The following CHSY3 variants were observed in gnomAD, a reference collection of about 807,000 sequenced individuals.
CHSY3 encodes the protein chondroitin sulfate synthase 3.
Under a neutral mutation model 67.2 loss-of-function variants are expected in CHSY3, and 35 were observed. The observed-to-expected ratio is 0.52, with a 90% confidence interval of 0.40 to 0.69. The LOEUF (loss-of-function observed/expected upper bound fraction) is 0.69, where lower values mean the gene tolerates loss of function less well. Among genes scored for constraint, CHSY3 ranks in the 30% least tolerant of loss-of-function variants. CHSY3 has a pLI of 0.00. For synonymous variants in CHSY3, 474 were observed against 434.7 expected, an observed-to-expected ratio of 1.09 and a Z score of -1.12; for missense variants, 1,069 against 1,138.5, an observed-to-expected ratio of 0.94 and a Z score of 0.88.
chr5:129,957,962 G>C (rs1240764821), intron 2 of CHSY3, among the ~76,000 whole-genome samples: 1 of 151,648 alleles, frequency 6.6e-6, no homozygotes, highest in Non-Finnish European at 1.5e-5. Context: ...TTGATCCTCT[G>C]TCTGTTTTAT....
chr5:130,158,841 C>G lies in CHSY3; in HGVS notation c.1087-25388C>G, dbSNP rs149976877. Among the ~76,000 whole-genome samples, 323 of 152,230 alleles carry G rather than the reference C, an allele frequency of 2.1e-3. 1 individual carries two copies. The highest frequency in any genetic ancestry group is 7.5e-3 in the African/African-American group (313 of 41,538). On this transcript the variant is annotated intron_variant, in intron 2 of 2. Coordinates refer to ENST00000305031, the MANE Select transcript of CHSY3 (RefSeq NM_175856.5). ...TAGAGACAGGATCTCCATCTGTTGG[C>G]CAAGCTGGAGTGCAGTGCTATGATC...
At position 130,185,345 on chromosome 5, in the gene CHSY3, A is replaced by G; in HGVS notation, c.2203A>G (p.Thr735Ala). ...TTTTCTCCAACGATGTAGAGACAATACAATTCAGGGACAACAGGTGTACTA... is the reference window on the plus strand; with the variant it reads ...TTTTCTCCAACGATGTAGAGACAATGCAATTCAGGGACAACAGGTGTACTA... ...EDFLQRCRDNTIQGQQVYYPI... is the reference protein window; with the variant it reads ...EDFLQRCRDNAIQGQQVYYPI... The change falls in exon 3 of 3, where the codon ACA (threonine) becomes GCA (alanine). Residue 735 changes from threonine (T) to alanine (A), a missense_variant. Transcript: ENST00000305031. The G allele has an allele frequency of 1.2e-6, 2 of 1,608,022 alleles. No individual in the cohort carries two copies. Among genetic ancestry groups the G allele is most frequent in the Non-Finnish European group, 1.7e-6 (2 of 1,174,444 alleles).
chr5:129,991,609 CAGT>C (rs1561487741), intron 2 of CHSY3, among the ~76,000 whole-genome samples: 1 of 152,048 alleles, frequency 6.6e-6, no homozygotes, highest in Non-Finnish European at 1.5e-5. Context: ...GAGTGTTAAC[CAGT>C]GTCTGCCACT....
intron 2 of CHSY3, among the ~76,000 whole-genome samples, chr5:129,993,107 G>T (rs538548764): frequency 1.3e-5 from 2 of 152,090 alleles, no homozygotes; most frequent in Non-Finnish European, 2.9e-5. Context: ...GTACTGTTAT[G>T]TGCTATTTCA....
At chr5:130,084,843 G>T (rs946431706) in intron 2 of CHSY3, among the ~76,000 whole-genome samples, 17 of 151,906 alleles carry the variant, frequency 1.1e-4, no homozygotes, top group Non-Finnish European at 1.9e-4. Context: ...GGAATCAATA[G>T]AAGGGAGTGT....
At chr5:130,089,309 A>C (rs1766791387) in intron 2 of CHSY3, among the ~76,000 whole-genome samples, 1 of 151,726 alleles carries the variant, frequency 6.6e-6, no homozygotes, top group Non-Finnish European at 1.5e-5. Context: ...CCAGCATGGC[A>C]CATGTATACA....
chr5:130,085,014 C>T (rs1449917094), intron 2 of CHSY3, among the ~76,000 whole-genome samples: 4 of 151,956 alleles, frequency 2.6e-5, no homozygotes, highest in Non-Finnish European at 5.9e-5. Context: ...TAACGCTGGT[C>T]AGCTATACCT....
intron 2 of CHSY3, among the ~76,000 whole-genome samples, chr5:130,134,094 T>G (rs76431137): frequency 0.045 from 6,851 of 152,242 alleles, 414 homozygotes; most frequent in East Asian, 0.27. Flanking sequence ...GTTACTTAAG[T>G]GGACAATGAG....
At chr5:129,912,739 G>T (rs572018139) in intron 2 of CHSY3, among the ~76,000 whole-genome samples, 14 of 152,256 alleles carry the variant, frequency 9.2e-5, no homozygotes, top group African/African-American at 3.1e-4. Flanking sequence ...CCTCCAGCAT[G>T]GTCTGACCTG....
At chr5:129,916,775 TG>T (rs1760742307) in intron 2 of CHSY3, among the ~76,000 whole-genome samples, 1 of 152,188 alleles carries the variant, frequency 6.6e-6, no homozygotes, top group Non-Finnish European at 1.5e-5. Flanking sequence ...ATGCCTTCCT[TG>T]TCTTCATGGA....
chr5:130,046,665 C>T (rs1765161771), intron 2 of CHSY3, among the ~76,000 whole-genome samples: 1 of 152,068 alleles, frequency 6.6e-6, no homozygotes, highest in South Asian at 2.1e-4. Flanking sequence ...ATTGGAACAA[C>T]AGGGAAACTA....
At chr5:130,003,525 T>C (rs1370200185) in intron 2 of CHSY3, among the ~76,000 whole-genome samples, 1 of 152,214 alleles carries the variant, frequency 6.6e-6, no homozygotes, top group African/African-American at 2.4e-5. Flanking sequence ...CAAGCACAAT[T>C]GTAATTGGGA....
intron 2 of CHSY3, among the ~76,000 whole-genome samples, chr5:129,994,597 C>T (rs1013373377): frequency 8.6e-5 from 13 of 152,026 alleles, no homozygotes; most frequent in African/African-American, 3.1e-4. Flanking sequence ...CACATGCACA[C>T]GTGTGTTTAT....
rs546259677 is a variant in CHSY3, at chr5:129,951,650, C to G, written c.1086+43290C>G. 2.6e-5 allele frequency among the ~76,000 whole-genome samples: 4 copies of G among 152,220 alleles called. 1 individual carries two copies. The East Asian group carries it at 7.7e-4, about 29-fold the overall frequency. On this transcript the variant is annotated intron_variant, in intron 2 of 2. Transcript: ENST00000305031. ...GGAAGCTTGGGAAGACAGAGCCCCA[C>G]CTGATAGGGATCTCCACCCATTGTC... is the stretch of plus-strand genomic sequence containing the variant.
intron 2 of CHSY3, among the ~76,000 whole-genome samples, chr5:129,962,133 G>A (rs565770076): frequency 3.3e-5 from 5 of 151,266 alleles, no homozygotes; most frequent in Non-Finnish European, 7.4e-5. Flanking sequence ...TCCTCTCTTC[G>A]GTACCAACTA....
chr5:130,134,551 C>A (rs766917951), intron 2 of CHSY3, among the ~76,000 whole-genome samples: 1 of 152,118 alleles, frequency 6.6e-6, no homozygotes, highest in East Asian at 1.9e-4. Flanking sequence ...GGGACTTTAT[C>A]TCTTGAGAGG....
At chr5:130,126,357 T>C (rs1768287769) in intron 2 of CHSY3, among the ~76,000 whole-genome samples, 1 of 152,302 alleles carries the variant, frequency 6.6e-6, no homozygotes, top group South Asian at 2.1e-4. Flanking sequence ...CCTCCAAATC[T>C]TTGTGCAATA....
At chr5:130,048,094 G>A (rs747416907) in intron 2 of CHSY3, among the ~76,000 whole-genome samples, 9 of 147,276 alleles carry the variant, frequency 6.1e-5, no homozygotes, top group Non-Finnish European at 8.8e-5. Context: ...TTAGTAGAAC[G>A]AAGTACGGAT....
intron 2 of CHSY3, among the ~76,000 whole-genome samples, chr5:130,119,564 T>C (rs1767937735): frequency 2.0e-5 from 3 of 152,112 alleles, no homozygotes; most frequent in African/African-American, 7.2e-5. Context: ...TATTCCAGGC[T>C]TCTCCTTGAC....
Sources: allele counts gnomAD v4.1 joint callset (sites outside exome capture counted in the v4.1 genomes callset), GRCh38; gene constraint gnomAD v4.1.1; transcripts MANE v1.5; gene names NCBI Gene and HGNC (gene_info 2026-07-23, HGNC 2026-07-21).